Variants in EVA1A observed in about 807,000 individuals in gnomAD.
The protein encoded by EVA1A is eva-1 homolog A, regulator of programmed cell death.
EVA1A carries 7 observed loss-of-function variants against 9.8 expected under a neutral mutation model. The ratio of observed to expected loss-of-function variants is 0.71; its 90% CI spans 0.41 to 1.34. EVA1A has a LOEUF of 1.34. EVA1A is among the 40% of genes most tolerant of loss of function. The pLI, the probability that EVA1A is intolerant of heterozygous loss-of-function variation, is 0.01. For missense variants in EVA1A, 206 were observed against 205.9 expected, an observed-to-expected ratio of 1.00 and a Z score of 0.00; for synonymous variants, 90 against 85.6, an observed-to-expected ratio of 1.05 and a Z score of -0.28.
chr2:75,523,843 A>G lies in EVA1A; in HGVS notation c.-191-1356T>C, dbSNP rs561186655. Among the ~76,000 whole-genome samples the G allele has an allele frequency of 3.3e-5, 5 of 152,256 alleles. No homozygotes were observed. The East Asian group carries it at 9.7e-4, about 29-fold the overall frequency. On this transcript the variant is annotated intron_variant, in intron 1 of 3. Coordinates refer to ENST00000393913, the MANE Select transcript of EVA1A (RefSeq NM_001135032.2). The stretch of plus-strand genomic sequence containing the variant: ...CTCACACTGAGAAATCTCACTCTCC[A>G]ATCGGAACCTCTATCTTACCTCTCT...
intron 2 of EVA1A, among the ~76,000 whole-genome samples, chr2:75,521,194 A>C (rs1263120403): frequency 6.6e-6 from 1 of 152,224 alleles, no homozygotes; most frequent in Admixed American, 6.5e-5. Flanking sequence ...TACTATCAAA[A>C]ATCAGAAAAT....
rs1675267035 is a variant in EVA1A, at chr2:75,522,494, G to A, written c.-191-7C>T. 2 of 152,216 alleles carry A rather than the reference G, an allele frequency of 1.3e-5. No individual in the cohort carries two copies. Among genetic ancestry groups the A allele is most frequent in the Admixed American group, 1.3e-4 (2 of 15,280 alleles). The allele number at this position is 152,216 out of a possible 1,614,324, so 9.4% of individuals were successfully genotyped here. A position where few individuals can be genotyped will look rare whatever the true frequency, so the allele number is the denominator to read the frequency against. On this transcript the variant is annotated splice_polypyrimidine_tract_variant and splice_region_variant and intron_variant, in intron 1 of 3. Transcript: ENST00000393913. Reference sequence around the variant, plus strand: ...CCAGTTGGCTTCTCAGACTCTGAAAGAAAAAAGAAGCAGCACAAAAACCAT... The same window carrying A: ...CCAGTTGGCTTCTCAGACTCTGAAAAAAAAAAGAAGCAGCACAAAAACCAT...
At chr2:75,520,340 T>G (rs1197167317) in intron 2 of EVA1A, among the ~76,000 whole-genome samples, 1 of 152,046 alleles carries the variant, frequency 6.6e-6, no homozygotes, top group Non-Finnish European at 1.5e-5. Flanking sequence ...AATAAAAAAA[T>G]CCATACTGAA....
At chr2:75,555,878 C>T (rs894180942) in intron 1 of EVA1A, among the ~76,000 whole-genome samples, 4 of 152,288 alleles carry the variant, frequency 2.6e-5, no homozygotes, top group African/African-American at 7.2e-5. Context: ...CCTTCAAACC[C>T]GCCAAGCTCC....
In EVA1A at chr2:75,536,491, G is replaced by A. The variant is rs115528026; in HGVS notation, c.-191-14004C>T. On this transcript the variant is annotated intron_variant, in intron 1 of 3. Transcript: ENST00000393913. ...TGATATCTATTAAGTCTATAAAGTA[G>A]ACTTTAGAGCAAAGAAAATTACCAG... is the stretch of plus-strand genomic sequence containing the variant. Among the ~76,000 whole-genome samples the A allele has an allele frequency of 8.1e-3, 1,223 of 151,888 alleles. 20 individuals are homozygous for A. The highest frequency in any genetic ancestry group is 0.028 in the African/African-American group (1,163 of 41,404).
chr2:75,520,107 A>G (rs1675183339), intron 2 of EVA1A, among the ~76,000 whole-genome samples: 1 of 152,168 alleles, frequency 6.6e-6, no homozygotes, highest in Non-Finnish European at 1.5e-5. Context: ...ACAGTCACAC[A>G]CATATACACA....
At chr2:75,539,062 CA>C (rs36055805) in intron 1 of EVA1A, among the ~76,000 whole-genome samples, 1 of 151,942 alleles carries the variant, frequency 6.6e-6, no homozygotes, top group Non-Finnish European at 1.5e-5. Context: ...AAATTATCTC[CA>C]AAAAAAGTCT....
chr2:75,500,419 C>G (rs113134574), intron 3 of EVA1A, among the ~76,000 whole-genome samples: 29 of 152,202 alleles, frequency 1.9e-4, no homozygotes, highest in African/African-American at 6.3e-4. Flanking sequence ...ACAAAGTTTC[C>G]CAACACCCGT....
chr2:75,516,672 C>G (rs540477171), intron 3 of EVA1A, among the ~76,000 whole-genome samples: 1 of 152,316 alleles, frequency 6.6e-6, no homozygotes, highest in Admixed American at 6.5e-5. Flanking sequence ...GCTGTTTGCT[C>G]TCATGCGAGA....
rs147352251 is a variant in EVA1A at position 75,534,033 on chromosome 2, C to T, written c.-191-11546G>A. On this transcript the variant is annotated intron_variant, in intron 1 of 3. Coordinates refer to ENST00000393913, the MANE Select transcript of EVA1A (RefSeq NM_001135032.2). ...TTCACTGTGTTAGCCAGGATGGTCT[C>T]GATCTCCTGACTTCGTGATCCTCCC... Among the ~76,000 whole-genome samples the T allele has an allele frequency of 5.6e-3, 851 of 151,916 alleles. 4 individuals carry two copies. The highest frequency in any genetic ancestry group is 9.3e-3 in the Non-Finnish European group (633 of 67,964).
chr2:75,556,660 C>T (rs374229828), intron 1 of EVA1A, among the ~76,000 whole-genome samples: 23 of 152,158 alleles, frequency 1.5e-4, no homozygotes, highest in African/African-American at 4.6e-4. Flanking sequence ...TATAGGGCAG[C>T]GGTTCCCAAC....
chr2:75,556,458 T>C (rs1676714733), intron 1 of EVA1A, among the ~76,000 whole-genome samples: 1 of 152,176 alleles, frequency 6.6e-6, no homozygotes, highest in African/African-American at 2.4e-5. Flanking sequence ...CTGGGCTAGT[T>C]TATCTTCTGT....
At chr2:75,536,294 C>A (rs1675894217) in intron 1 of EVA1A, among the ~76,000 whole-genome samples, 1 of 152,102 alleles carries the variant, frequency 6.6e-6, no homozygotes, top group Non-Finnish European at 1.5e-5. Flanking sequence ...GAGAGCACGC[C>A]ACTGCACTCC....
chr2:75,563,279 G>C (rs955123207), upstream of EVA1A, among the ~76,000 whole-genome samples: 1 of 152,204 alleles, frequency 6.6e-6, no homozygotes, highest in African/African-American at 2.4e-5. Context: ...TCCGTTGCTA[G>C]CCTGAGAGCC....
rs369567470 is a variant in EVA1A at position 75,545,277 on chromosome 2, C to T, written c.-192+15403G>A. Among the ~76,000 whole-genome samples, 26 of 152,252 alleles carry T rather than the reference C, an allele frequency of 1.7e-4. 1 individual carries two copies. In the South Asian group the frequency reaches 5.0e-3, roughly 29 times the overall value. ...GGTGAGAGTAATTCAACCACAACTC[C>T]AGATACAAGCTTGAGAATAAAAAAA... On this transcript the variant is annotated intron_variant, in intron 1 of 3. Transcript: ENST00000393913.
At chr2:75,520,936 A>C (rs1219950436) in intron 2 of EVA1A, among the ~76,000 whole-genome samples, 1 of 152,198 alleles carries the variant, frequency 6.6e-6, no homozygotes, top group Non-Finnish European at 1.5e-5. Context: ...ATTTGCAAAT[A>C]ATATATCTGA....
chr2:75,548,595 G>A (rs567180916), intron 1 of EVA1A, among the ~76,000 whole-genome samples: 1 of 151,974 alleles, frequency 6.6e-6, no homozygotes, highest in Non-Finnish European at 1.5e-5. Context: ...CCTTCCCTCC[G>A]AAGCTTTTCA....
In EVA1A at chr2:75,493,351, G is replaced by A; in HGVS notation, c.344C>T (p.Ala115Val). ...RTLNKNVFTS[A>V]EELERAQRLE... ...CCGCTGGGCGCGCTCCAGCTCCTCC[G>A]CAGAGGTGAACACATTCTTGTTCAA... Residue 115 changes from alanine (A) to valine (V), a missense_variant, in exon 4 of 4, where the codon GCG (alanine) becomes GTG (valine). Physicochemically the swap from Ala to Val is moderately conservative, Grantham distance 64. Transcript: ENST00000393913. 1 of 1,614,204 alleles carries A rather than the reference G, an allele frequency of 6.2e-7. No homozygotes were observed. Among genetic ancestry groups the A allele is most frequent in the South Asian group, 1.1e-5 (1 of 91,088 alleles).
chr2:75,548,983 A>AAAAAAT (rs377340236), intron 1 of EVA1A, among the ~76,000 whole-genome samples: 16 of 133,702 alleles, frequency 1.2e-4, no homozygotes, highest in African/African-American at 4.6e-4. Flanking sequence ...CTAAATGAAA[A>AAAAAAT]ATATATATAT....
Sources: allele counts gnomAD v4.1 joint callset (sites outside exome capture counted in the v4.1 genomes callset), GRCh38; gene constraint gnomAD v4.1.1; transcripts MANE v1.5; gene names NCBI Gene and HGNC (gene_info 2026-07-23, HGNC 2026-07-21).